Variants in TNFRSF13B observed in about 807,000 individuals in gnomAD.
The protein encoded by TNFRSF13B is TNF receptor superfamily member 13B, also known as tumor necrosis factor receptor superfamily member 13B.
Under a neutral mutation model 24.0 loss-of-function variants are expected in TNFRSF13B, and 34 were observed. The observed-to-expected ratio is 1.41, with a 90% CI of 1.08 to 1.88. The LOEUF is 1.88. Among genes scored for constraint, TNFRSF13B ranks in the 40% most tolerant of loss-of-function variants. The pLI, the probability that TNFRSF13B is intolerant of heterozygous loss-of-function variation, is 0.00. For synonymous variants in TNFRSF13B, 173 were observed against 150.3 expected (o/e 1.15, Z -1.10); for missense variants, 415 against 380.8 (o/e 1.09, Z -0.75).
chr17:16,954,933 C>A (rs1328201459), intron 1 of TNFRSF13B, among the ~76,000 whole-genome samples: 1 of 152,208 alleles, frequency 6.6e-6, no homozygotes, highest in Non-Finnish European at 1.5e-5. Context: ...TCCTTACCCA[C>A]CCCAGTTTCT....
At chr17:16,941,285 T>C (rs1043021434) in intron 3 of TNFRSF13B, 61 of 987,664 alleles carry the variant, frequency 6.2e-5, no homozygotes, top group Non-Finnish European at 6.6e-5. Flanking sequence ...GACGTTACAC[T>C]GAGACCAGGA....
chr17:16,950,918 C>T (rs1373171420), intron 2 of TNFRSF13B, among the ~76,000 whole-genome samples: 2 of 152,238 alleles, frequency 1.3e-5, no homozygotes, highest in African/African-American at 4.8e-5. Context: ...TCTAGGGACA[C>T]CTCCCTGCTC....
chr17:16,963,043 C>T (rs2087673988), intron 1 of TNFRSF13B, among the ~76,000 whole-genome samples: 1 of 152,158 alleles, frequency 6.6e-6, no homozygotes, highest in South Asian at 2.1e-4. Flanking sequence ...TGCTTGGAAC[C>T]CTGGGCTGTG....
intron 1 of TNFRSF13B, 145 bp from the exon 2 acceptor site, chr17:16,952,728 C>T: frequency 1.6e-6 from 2 of 1,279,590 alleles, no homozygotes; most frequent in Non-Finnish European, 2.2e-6. Context: ...ACAAAGTTGG[C>T]TTCTAGCCCC....
intron 1 of TNFRSF13B, among the ~76,000 whole-genome samples, chr17:16,971,438 G>A (rs1007366752): frequency 6.6e-6 from 1 of 152,020 alleles, no homozygotes; most frequent in African/African-American, 2.4e-5. Flanking sequence ...GAAAAAATGG[G>A]TGGAAACTGT....
chr17:16,967,750 T>TTAAAAAAAAAAA lies in TNFRSF13B; in HGVS notation c.61+4264_61+4265insTTTTTTTTTTTA, dbSNP rs1567657162. Among the ~76,000 whole-genome samples the TTAAAAAAAAAAA allele has an allele frequency of 6.7e-4, 13 of 19,372 alleles. 1 individual carries two copies. The highest frequency in any genetic ancestry group is 3.5e-3 in the African/African-American group (13 of 3,732). 12.7% of individuals were successfully genotyped at this position (19,372 alleles called of 152,430 possible). On this transcript the variant is annotated intron_variant, in intron 1 of 4. Coordinates refer to ENST00000261652, the MANE Select transcript of TNFRSF13B (RefSeq NM_012452.3). Reference sequence around the variant, plus strand: ...CTGGGCGACAGAGTGAGACTCCGTCTCAAAAAAAAAAAAAAAAAAAAAGAA... The same window carrying TTAAAAAAAAAAA: ...CTGGGCGACAGAGTGAGACTCCGTCTTAAAAAAAAAAACAAAAAAAAAAAAAAAAAAAAAGAA...
intron 3 of TNFRSF13B, among the ~76,000 whole-genome samples, chr17:16,947,568 A>T (rs1355094763): frequency 6.6e-6 from 1 of 152,256 alleles, no homozygotes; most frequent in Non-Finnish European, 1.5e-5. Flanking sequence ...TCAAAAGAAG[A>T]CATGCAAGCA....
chr17:16,966,959 C>T (rs1597669468), intron 1 of TNFRSF13B, among the ~76,000 whole-genome samples: 1 of 150,910 alleles, frequency 6.6e-6, no homozygotes, highest in Admixed American at 6.6e-5. Flanking sequence ...TTGCCTCAGC[C>T]TTCCGAGTAG....
chr17:16,960,258 C>T (rs1009602351), intron 1 of TNFRSF13B, among the ~76,000 whole-genome samples: 1 of 152,066 alleles, frequency 6.6e-6, no homozygotes, highest in Non-Finnish European at 1.5e-5. Context: ...ACTTTCCTAT[C>T]ATGATAAAGG....
At chr17:16,970,063 C>CCTGA (rs1396778596) in intron 1 of TNFRSF13B, among the ~76,000 whole-genome samples, 2 of 152,170 alleles carry the variant, frequency 1.3e-5, no homozygotes, top group Non-Finnish European at 2.9e-5. Context: ...AGAGACAGTG[C>CCTGA]CTGACTGACC....
At chr17:16,955,668 A>G (rs1443171865) in intron 1 of TNFRSF13B, among the ~76,000 whole-genome samples, 1 of 152,232 alleles carries the variant, frequency 6.6e-6, no homozygotes, top group Non-Finnish European at 1.5e-5. Flanking sequence ...CGAAGTCAAG[A>G]CATCTCAAAA....
At chr17:16,956,399 A>G (rs1250950764) in intron 1 of TNFRSF13B, among the ~76,000 whole-genome samples, 1 of 147,492 alleles carries the variant, frequency 6.8e-6, no homozygotes, top group African/African-American at 2.5e-5. Context: ...ATTTACAGGA[A>G]ATACAGACTA....
At chr17:16,951,690 A>G (rs2084662850) in intron 2 of TNFRSF13B, among the ~76,000 whole-genome samples, 1 of 152,130 alleles carries the variant, frequency 6.6e-6, no homozygotes, top group Admixed American at 6.5e-5. Flanking sequence ...GGAGTTCAAG[A>G]CCAGCCTGAC....
rs1482290237 is a variant in TNFRSF13B at position 16,939,305 on chromosome 17, CTCTCTGCCTCTCTCCT to C, written c.*226_*241del. On this transcript the variant is annotated 3_prime_UTR_variant, in exon 5 of 5. Transcript: ENST00000261652. ...CCTCTCTCCCTCTCTGCCTCTCTCC[CTCTCTGCCTCTCTCCT>C]TCTCTGCCTGTCTCTTTCCTTCTCT... The C allele has an allele frequency of 5.9e-6, 3 of 508,456 alleles. No homozygotes were observed. The highest frequency in any genetic ancestry group is 2.0e-5 in the African/African-American group (1 of 51,192). The allele number at this position is 508,456 out of a possible 1,614,324, so 31.5% of individuals were successfully genotyped here.
At chr17:16,953,666 T>C (rs1048891729) in intron 1 of TNFRSF13B, among the ~76,000 whole-genome samples, 3 of 152,222 alleles carry the variant, frequency 2.0e-5, no homozygotes, top group African/African-American at 7.2e-5. Context: ...TCTTCCACTG[T>C]GTGCATGCAT....
chr17:16,939,931 G>T (rs915781977), intron 4 of TNFRSF13B, 134 bp from the exon 5 acceptor site: 2 of 1,288,326 alleles, frequency 1.6e-6, no homozygotes, highest in Non-Finnish European at 1.0e-6. Flanking sequence ...CCCCAGACAG[G>T]TGTCAGTGTC....
At chr17:16,943,253 AC>A (rs1379424111) in intron 3 of TNFRSF13B, among the ~76,000 whole-genome samples, 1 of 152,198 alleles carries the variant, frequency 6.6e-6, no homozygotes, top group Non-Finnish European at 1.5e-5. Flanking sequence ...GTGTCCTTAT[AC>A]AAGAAGAGAA....
chr17:16,941,565 C>T (rs1597657539), intron 3 of TNFRSF13B: 1 of 987,550 alleles, frequency 1.0e-6, no homozygotes, highest in Non-Finnish European at 1.2e-6. Context: ...CCCTACAGCA[C>T]CCCCTTCATC....
At chr17:16,971,212 G>T (rs1337389939) in intron 1 of TNFRSF13B, among the ~76,000 whole-genome samples, 2 of 152,066 alleles carry the variant, frequency 1.3e-5, no homozygotes, top group Non-Finnish European at 2.9e-5. Flanking sequence ...AGCCGGGCGT[G>T]GTGGTGGGCA....
Sources: gnomAD v4.1 joint callset for allele counts (sites outside exome capture counted in the v4.1 genomes callset) on GRCh38, gnomAD v4.1.1 for gene constraint, MANE v1.5 for transcripts, NCBI Gene and HGNC (gene_info 2026-07-23, HGNC 2026-07-21) for gene names.